The following TMEM108 variants were observed in gnomAD, a reference collection of about 807,000 sequenced individuals.
TMEM108 encodes cancer/testis antigen 124.
In TMEM108, 12 loss-of-function variants were observed where a neutral mutation model predicts 35.1. The observed-to-expected ratio is 0.34, with a 90% CI of 0.22 to 0.55. TMEM108 has a LOEUF of 0.55. Ranked by LOEUF, TMEM108 falls within the 20% of genes least tolerant of loss-of-function variation. The pLI is 0.89. For missense variants in TMEM108, 680 were observed against 753.3 expected (o/e 0.90, Z 1.14); for synonymous variants, 287 against 308.6 (o/e 0.93, Z 0.73).
At chr3:133,200,330 T>C (rs985518104) in intron 2 of TMEM108, among the ~76,000 whole-genome samples, 1 of 152,140 alleles carries the variant, frequency 6.6e-6, no homozygotes, top group Admixed American at 6.5e-5. Context: ...CAGTTGGAAA[T>C]GCGGAACATG....
chr3:133,244,795 A>G (rs764740011), intron 3 of TMEM108, among the ~76,000 whole-genome samples: 1 of 152,218 alleles, frequency 6.6e-6, no homozygotes, highest in Non-Finnish European at 1.5e-5. Context: ...TTGTAGTCTA[A>G]TTATAAAGAA....
chr3:133,100,624 A>C (rs1944075070), intron 2 of TMEM108, among the ~76,000 whole-genome samples: 1 of 152,134 alleles, frequency 6.6e-6, no homozygotes, highest in Non-Finnish European at 1.5e-5. Context: ...ATAAAGATTC[A>C]AAAGATGGTG....
chr3:133,381,193 C>T, intron 4 of TMEM108, 32 bp downstream of exon 4: 1 of 1,548,424 alleles, frequency 6.5e-7, no homozygotes, highest in Non-Finnish European at 8.8e-7. Context: ...CCATCCTCTC[C>T]CTCTACCACA....
At chr3:133,369,119 T>G (rs1204326728) in intron 3 of TMEM108, among the ~76,000 whole-genome samples, 1 of 152,198 alleles carries the variant, frequency 6.6e-6, no homozygotes, top group Admixed American at 6.5e-5. Context: ...CAAATCCCAC[T>G]GACCCCAAGC....
intron 2 of TMEM108, among the ~76,000 whole-genome samples, chr3:133,224,378 A>G (rs964796734): frequency 2.0e-5 from 3 of 152,160 alleles, no homozygotes; most frequent in Non-Finnish European, 4.4e-5. Context: ...GGTTTTGACA[A>G]TACTGGTTGT....
At chr3:133,091,659 T>C (rs1943948172) in intron 2 of TMEM108, among the ~76,000 whole-genome samples, 1 of 152,216 alleles carries the variant, frequency 6.6e-6, no homozygotes, top group East Asian at 1.9e-4. Flanking sequence ...CTTATTCAAA[T>C]ACTTTGGCCT....
intron 2 of TMEM108, among the ~76,000 whole-genome samples, chr3:133,101,205 A>G (rs1386960716): frequency 1.3e-5 from 2 of 152,158 alleles, no homozygotes; most frequent in Non-Finnish European, 2.9e-5. Flanking sequence ...TTTTTGGGTG[A>G]AAGCTCCTGA....
intron 2 of TMEM108, among the ~76,000 whole-genome samples, chr3:133,183,415 C>A (rs1321677093): frequency 1.3e-5 from 2 of 152,050 alleles, no homozygotes; most frequent in Non-Finnish European, 2.9e-5. Context: ...GTATATTTAT[C>A]TTCTCCTTAG....
chr3:133,219,902 T>C (rs542118145), intron 2 of TMEM108, among the ~76,000 whole-genome samples: 1 of 152,264 alleles, frequency 6.6e-6, no homozygotes, highest in African/African-American at 2.4e-5. Flanking sequence ...TATCCATCCA[T>C]TGTTGAAAGT....
intron 3 of TMEM108, among the ~76,000 whole-genome samples, chr3:133,255,868 C>T (rs1481791992): frequency 6.6e-6 from 1 of 151,986 alleles, no homozygotes; most frequent in Non-Finnish European, 1.5e-5. Context: ...GCACGCCTGT[C>T]ATCCCAGCTA....
At chr3:133,320,686 C>T (rs2071255672) in intron 3 of TMEM108, among the ~76,000 whole-genome samples, 2 of 152,152 alleles carry the variant, frequency 1.3e-5, no homozygotes, top group African/African-American at 4.8e-5. Flanking sequence ...GGAAATGCAA[C>T]ACAAAAAGGT....
At chr3:133,056,702 C>T (rs1943469665) in intron 2 of TMEM108, among the ~76,000 whole-genome samples, 1 of 151,896 alleles carries the variant, frequency 6.6e-6, no homozygotes, top group Admixed American at 6.6e-5. Context: ...TATCAGTGAG[C>T]ATCTAAAGAT....
rs147838084 is a variant in TMEM108 at position 133,182,515 on chromosome 3, T to G, written c.-46-46751T>G. Among the ~76,000 whole-genome samples, 9 of 152,362 alleles carry G rather than the reference T, an allele frequency of 5.9e-5. No homozygotes were observed. The East Asian group carries it at 1.7e-3, about 29-fold the overall frequency. On this transcript the variant is annotated intron_variant, in intron 2 of 5. Coordinates refer to ENST00000321871, the MANE Select transcript of TMEM108 (RefSeq NM_023943.4). ...TGATCATTAGGTGATAGTATACTGA[T>G]GTCACGTTGAGGTCTTTATGTCTGC...
intron 3 of TMEM108, among the ~76,000 whole-genome samples, chr3:133,283,096 G>A (rs1271955928): frequency 6.6e-6 from 1 of 152,122 alleles, no homozygotes; most frequent in East Asian, 1.9e-4. Context: ...GAGAATTTTT[G>A]TCTTATCTGC....
chr3:133,148,358 C>T (rs1020472172), intron 2 of TMEM108, among the ~76,000 whole-genome samples: 37 of 152,146 alleles, frequency 2.4e-4, no homozygotes, highest in Non-Finnish European at 4.4e-5. Flanking sequence ...AATATAATAG[C>T]TACTTTTCTT....
chr3:133,244,407 G>A (rs559069666), intron 3 of TMEM108, among the ~76,000 whole-genome samples: 25 of 152,134 alleles, frequency 1.6e-4, no homozygotes, highest in Non-Finnish European at 2.9e-4. Context: ...CTATGAACCC[G>A]TCCTAAGTCT....
intron 5 of TMEM108, among the ~76,000 whole-genome samples, chr3:133,393,050 C>G (rs758727189): frequency 6.6e-6 from 1 of 152,204 alleles, no homozygotes; most frequent in South Asian, 2.1e-4. Flanking sequence ...CACCTGAGCC[C>G]CCACCACACT....
intron 2 of TMEM108, among the ~76,000 whole-genome samples, chr3:133,111,816 G>A (rs757499977): frequency 6.6e-6 from 1 of 152,130 alleles, no homozygotes; most frequent in African/African-American, 2.4e-5. Context: ...CTTGTACTAG[G>A]TTCCAGCTAT....
intron 3 of TMEM108, among the ~76,000 whole-genome samples, chr3:133,273,753 G>A (rs1326473438): frequency 6.6e-6 from 1 of 152,178 alleles, no homozygotes; most frequent in Admixed American, 6.5e-5. Context: ...TTTGCAACAA[G>A]TCATGGCAAA....
Sources: gnomAD v4.1 joint callset for allele counts (sites outside exome capture counted in the v4.1 genomes callset) on GRCh38, gnomAD v4.1.1 for gene constraint, MANE v1.5 for transcripts, NCBI Gene and HGNC (gene_info 2026-07-23, HGNC 2026-07-21) for gene names.